Variants in L3MBTL3 observed in about 807,000 individuals in gnomAD.
L3MBTL3 encodes L3MBTL histone methyl-lysine binding protein 3, also known as lethal(3)malignant brain tumor-like protein 3.
In L3MBTL3, 27 loss-of-function variants were observed where a neutral mutation model predicts 102.3. That is an observed-to-expected ratio of 0.26 (90% CI 0.19 to 0.36). The LOEUF (loss-of-function observed/expected upper bound fraction) is 0.36. Ranked by LOEUF, L3MBTL3 falls within the 10% of genes least tolerant of loss-of-function variation. The pLI is 1.00. For synonymous variants in L3MBTL3, 340 were observed against 320.9 expected (o/e 1.06, Z -0.64); for missense variants, 798 against 955.3 (o/e 0.84, Z 2.17).
At chr6:130,135,226 A>G (rs558896379) in intron 22 of L3MBTL3, among the ~76,000 whole-genome samples, 1 of 151,806 alleles carries the variant, frequency 6.6e-6, no homozygotes, top group East Asian at 1.9e-4. Context: ...ACGCTCGGCT[A>G]ATTTTTTTTG....
intron 19 of L3MBTL3, among the ~76,000 whole-genome samples, chr6:130,120,186 T>G (rs1368787571): frequency 6.6e-6 from 1 of 152,154 alleles, no homozygotes; most frequent in Non-Finnish European, 1.5e-5. Flanking sequence ...TACATTAGGT[T>G]GAAAAATTTT....
In L3MBTL3 at chr6:130,041,981, A is replaced by G. The variant is rs548199832; in HGVS notation, c.-15-704A>G. ...ATTTCTAAAGATAAAACACATCATGAATTCATACTGATACCTCCATTCAGA... is the reference window on the plus strand; with the variant it reads ...ATTTCTAAAGATAAAACACATCATGGATTCATACTGATACCTCCATTCAGA... On this transcript the variant is annotated intron_variant, in intron 2 of 22. Coordinates refer to ENST00000361794, the MANE Select transcript of L3MBTL3 (RefSeq NM_032438.4). 3.3e-5 allele frequency among the ~76,000 whole-genome samples: 5 copies of G among 152,344 alleles called. No individual in the cohort carries two copies. In the East Asian group the frequency reaches 9.6e-4, roughly 29 times the overall value.
At chr6:130,048,088 TAGAA>T (rs1034800903) in intron 3 of L3MBTL3, among the ~76,000 whole-genome samples, 34 of 152,372 alleles carry the variant, frequency 2.2e-4, no homozygotes, top group African/African-American at 7.0e-4. Context: ...TTTCACCTGA[TAGAA>T]AGAATAATTA....
rs200526729 is a variant in L3MBTL3, at chr6:130,055,205, C to T, written c.617C>T (p.Ser206Leu). 23 of 1,613,674 alleles carry T rather than the reference C, an allele frequency of 1.4e-5. No homozygotes were observed. Among genetic ancestry groups the T allele is most frequent in the East Asian group, 6.7e-5 (3 of 44,870 alleles). ...NKQDVRILRG[S>L]QRARRKRRGD... Reference sequence around the variant, plus strand: ...CAAGATGTAAGAATCCTGAGGGGTTCGCAGAGAGCACGGAGGAAAAGACGA... The same window carrying T: ...CAAGATGTAAGAATCCTGAGGGGTTTGCAGAGAGCACGGAGGAAAAGACGA... The change falls in exon 8 of 23, where the codon TCG becomes TTG. Residue 206 changes from serine to leucine, a missense_variant. This residue lies in a region of L3MBTL3 where 434 missense variants were observed against 506.6 expected (regional missense o/e 0.86). Coordinates refer to ENST00000361794, the MANE Select transcript of L3MBTL3 (RefSeq NM_032438.4).
In L3MBTL3 at chr6:130,070,826, C is replaced by T. The variant is rs150958852; in HGVS notation, c.1093-150C>T. On this transcript the variant is annotated intron_variant, in intron 12 of 22. Coordinates refer to ENST00000361794, the MANE Select transcript of L3MBTL3 (RefSeq NM_032438.4). ...TTTTTTTTTGCGGCTTGTTGGAAAGCGACCCTGCTGTGAAACTGGCATATG... is the reference window on the plus strand; with the variant it reads ...TTTTTTTTTGCGGCTTGTTGGAAAGTGACCCTGCTGTGAAACTGGCATATG... 413 of 175,154 alleles carry T rather than the reference C, an allele frequency of 2.4e-3. 2 individuals are homozygous for T. The highest frequency in any genetic ancestry group is 0.013 in the African/African-American group (389 of 29,868). The allele number at this position is 175,154 out of a possible 1,614,324, so 10.8% of individuals were successfully genotyped here.
Position 130,045,233 on chromosome 6 carries a change from G to C in L3MBTL3, c.102+2432G>C, listed in dbSNP as rs115457559. On this transcript the variant is annotated intron_variant, in intron 3 of 22. Coordinates refer to ENST00000361794, the MANE Select transcript of L3MBTL3 (RefSeq NM_032438.4). ...GGCCTCTGCTTTCCTCTCTGGCCAT[G>C]TCTCATTTCACTCCCACTGCCACTC... Among the ~76,000 whole-genome samples the C allele has an allele frequency of 2.7e-3, 405 of 152,172 alleles. 2 individuals are homozygous for C. The highest frequency in any genetic ancestry group is 9.3e-3 in the African/African-American group (388 of 41,508).
At chr6:130,125,589 C>A (rs1051658764) in intron 20 of L3MBTL3, among the ~76,000 whole-genome samples, 1 of 152,184 alleles carries the variant, frequency 6.6e-6, no homozygotes, top group Non-Finnish European at 1.5e-5. Flanking sequence ...TGGCACAATT[C>A]CTCTTTCAAA....
chr6:130,055,874 G>T (rs953709011), intron 8 of L3MBTL3, among the ~76,000 whole-genome samples: 2 of 150,104 alleles, frequency 1.3e-5, no homozygotes, highest in Non-Finnish European at 3.0e-5. Context: ...CATCTCTTCT[G>T]TCTTCTCTTC....
At chr6:130,109,097 A>G (rs1785186537) in intron 19 of L3MBTL3, among the ~76,000 whole-genome samples, 2 of 152,114 alleles carry the variant, frequency 1.3e-5, no homozygotes, top group Non-Finnish European at 2.9e-5. Flanking sequence ...TTCTTTATCC[A>G]GTCTATGATT....
At chr6:130,096,271 A>G (rs1044389540) in intron 18 of L3MBTL3, among the ~76,000 whole-genome samples, 1 of 152,178 alleles carries the variant, frequency 6.6e-6, no homozygotes, top group African/African-American at 2.4e-5. Context: ...CCCAACCTTC[A>G]AAGAATTCAC....
At chr6:130,091,689 A>T (rs1196275757) in intron 16 of L3MBTL3, among the ~76,000 whole-genome samples, 2 of 152,084 alleles carry the variant, frequency 1.3e-5, no homozygotes, top group Admixed American at 6.6e-5. Context: ...AAAAGAATTA[A>T]ATACTGTCAT....
chr6:130,035,070 A>G (rs1003418574), intron 2 of L3MBTL3, among the ~76,000 whole-genome samples: 1 of 152,190 alleles, frequency 6.6e-6, no homozygotes, highest in Non-Finnish European at 1.5e-5. Flanking sequence ...ATTAATAACA[A>G]ATATTTTCAT....
rs1038686409 is a variant in L3MBTL3, at chr6:130,052,943, T to C, written c.534T>C (p.Ser178=). 1 of 1,613,878 alleles carries C rather than the reference T, an allele frequency of 6.2e-7. No homozygotes were observed. The highest frequency in any genetic ancestry group is 8.5e-7 in the Non-Finnish European group (1 of 1,179,806). ...GTCGGAAGAAAAAACCAAAATTATC[T>C]CTGAAAGCTGACACCAAGGAGGATG... ...KCSRKKKPKL[S]LKADTKEDGE... Residue 178 remains serine, a synonymous_variant, in exon 7 of 23, where the codon TCT becomes TCC. Transcript: ENST00000361794.
At chr6:130,055,376 G>A in intron 8 of L3MBTL3, 121 bp downstream of exon 8, 3 of 692,502 alleles carry the variant, frequency 4.3e-6, no homozygotes, top group South Asian at 2.0e-5. Context: ...GATTCAGTTT[G>A]GTCAATAAAG....
chr6:130,122,751 G>A (rs1333809246), intron 20 of L3MBTL3, among the ~76,000 whole-genome samples: 1 of 151,402 alleles, frequency 6.6e-6, no homozygotes, highest in East Asian at 1.9e-4. Flanking sequence ...GGAGGTAAGA[G>A]CATGGCCTTC....
intron 14 of L3MBTL3, 96 bp downstream of exon 14, chr6:130,078,730 G>T: frequency 1.3e-6 from 1 of 755,048 alleles, no homozygotes; most frequent in South Asian, 1.8e-5. Flanking sequence ...TTTTGGCTTT[G>T]CAGACCATGC....
At chr6:130,021,314 A>G (rs967918432) in intron 1 of L3MBTL3, among the ~76,000 whole-genome samples, 4 of 152,208 alleles carry the variant, frequency 2.6e-5, no homozygotes, top group African/African-American at 9.7e-5. Flanking sequence ...CGTGGAAGTA[A>G]TTAGAGGACC....
intron 15 of L3MBTL3, among the ~76,000 whole-genome samples, chr6:130,085,427 T>C (rs1165034356): frequency 6.6e-6 from 1 of 152,196 alleles, no homozygotes; most frequent in Non-Finnish European, 1.5e-5. Flanking sequence ...TTAATATTGT[T>C]CCTCTCTCTA....
At chr6:130,125,350 C>T (rs1786525532) in intron 20 of L3MBTL3, among the ~76,000 whole-genome samples, 1 of 152,170 alleles carries the variant, frequency 6.6e-6, no homozygotes, top group African/African-American at 2.4e-5. Context: ...GGCTTGTTCT[C>T]TTTTCATAGC....
Sources: gnomAD v4.1 joint callset for allele counts (sites outside exome capture counted in the v4.1 genomes callset) on GRCh38, gnomAD v4.1.1 for gene constraint, gnomAD v4.1.1 regional missense constraint, MANE v1.5 for transcripts, NCBI Gene and HGNC (gene_info 2026-07-23, HGNC 2026-07-21) for gene names.